Variants in SUGCT observed in about 807,000 individuals in gnomAD.
SUGCT encodes succinyl-CoA:glutarate CoA-transferase.
A neutral mutation model predicts 55.0 loss-of-function variants in SUGCT; 41 were observed. That is an observed-to-expected ratio of 0.74 (90% CI 0.58 to 0.97). The LOEUF is 0.97. Among genes scored for constraint, SUGCT ranks in the 50% least tolerant of loss-of-function variants. The probability of loss-of-function intolerance (pLI) is 0.00; values close to 1 mark genes in which losing one functional copy is unlikely to be tolerated. For synonymous variants in SUGCT, 187 were observed against 200.4 expected (o/e 0.93, Z 0.56); for missense variants, 568 against 547.8 (o/e 1.04, Z -0.37).
intron 12 of SUGCT, among the ~76,000 whole-genome samples, chr7:40,650,097 T>G (rs896743890): frequency 6.6e-6 from 1 of 152,168 alleles, no homozygotes; most frequent in African/African-American, 2.4e-5. Context: ...CATAAGATGT[T>G]GGACTAAGGG....
chr7:40,245,424 T>TATATATATATATATA (rs59609393), intron 7 of SUGCT, among the ~76,000 whole-genome samples: 32 of 11,564 alleles, frequency 2.8e-3, no homozygotes, highest in Admixed American at 5.4e-3. Context: ...TATATATATA[T>TATATATATATATATA]TTTTTTTTTT....
intron 7 of SUGCT, among the ~76,000 whole-genome samples, chr7:40,249,900 C>A (rs1790247373): frequency 6.6e-6 from 1 of 152,134 alleles, no homozygotes; most frequent in African/African-American, 2.4e-5. Context: ...GATTCTCCTG[C>A]CTCAACCTCC....
intron 12 of SUGCT, among the ~76,000 whole-genome samples, chr7:40,568,322 C>G (rs866239616): frequency 7.2e-5 from 11 of 151,900 alleles, no homozygotes; most frequent in Middle Eastern, 3.4e-3. Flanking sequence ...ATCAGTGATA[C>G]ACACACACAC....
chr7:40,826,601 G>A (rs1435421314), intron 13 of SUGCT, among the ~76,000 whole-genome samples: 1 of 152,188 alleles, frequency 6.6e-6, no homozygotes, highest in African/African-American at 2.4e-5. Context: ...CTTGCCGCAG[G>A]CTACAGAAAC....
intron 12 of SUGCT, among the ~76,000 whole-genome samples, chr7:40,690,560 A>G (rs779932520): frequency 7.2e-5 from 11 of 152,090 alleles, no homozygotes; most frequent in Non-Finnish European, 1.3e-4. Context: ...AGAGAGATCA[A>G]TTCATCCCTA....
intron 9 of SUGCT, among the ~76,000 whole-genome samples, chr7:40,327,308 A>G (rs1310211437): frequency 6.6e-6 from 1 of 152,156 alleles, no homozygotes; most frequent in Admixed American, 6.6e-5. Flanking sequence ...GGAGGTTGCC[A>G]CAGTCTGAAG....
At chr7:40,271,088 T>G (rs760574487) in intron 7 of SUGCT, among the ~76,000 whole-genome samples, 1 of 152,194 alleles carries the variant, frequency 6.6e-6, no homozygotes, top group Non-Finnish European at 1.5e-5. Context: ...TAAGAGTTTT[T>G]TAGTGGATTC....
chr7:40,495,111 C>T (rs1345403811), intron 11 of SUGCT, among the ~76,000 whole-genome samples: 1 of 151,882 alleles, frequency 6.6e-6, no homozygotes, highest in Non-Finnish European at 1.5e-5. Flanking sequence ...AGGGTTTCAC[C>T]ATTTTGGTCA....
At chr7:40,309,789 C>CGATGTGTGGTGTGTGAGA (rs61287506) in intron 8 of SUGCT, among the ~76,000 whole-genome samples, 86,680 of 151,224 alleles carry the variant, frequency 0.57, 25,880 homozygotes, top group Non-Finnish European at 0.67. Context: ...GCCCACACAG[C>CGATGTGTGGTGTGTGAGA]GAGAGGGACA....
At chr7:40,692,243 C>G (rs1039245475) in intron 12 of SUGCT, among the ~76,000 whole-genome samples, 1 of 152,104 alleles carries the variant, frequency 6.6e-6, no homozygotes, top group African/African-American at 2.4e-5. Flanking sequence ...GTGGTGCAGA[C>G]AAGGTAACAA....
chr7:40,448,656 G>A (rs1788995106), intron 9 of SUGCT, among the ~76,000 whole-genome samples: 1 of 151,998 alleles, frequency 6.6e-6, no homozygotes, highest in South Asian at 2.1e-4. Flanking sequence ...GACCTGCCTG[G>A]GCAACATAGT....
intron 9 of SUGCT, among the ~76,000 whole-genome samples, chr7:40,414,444 C>T (rs750139576): frequency 1.3e-5 from 2 of 152,108 alleles, no homozygotes; most frequent in African/African-American, 2.4e-5. Context: ...TTCAGGCATT[C>T]GCTGGGGGTC....
At chr7:40,204,829 G>A (rs1022962820) in intron 6 of SUGCT, among the ~76,000 whole-genome samples, 1 of 152,168 alleles carries the variant, frequency 6.6e-6, no homozygotes, top group Non-Finnish European at 1.5e-5. Context: ...AGCTACTCAG[G>A]AGGTGGAGGT....
chr7:40,352,581 G>A (rs977138177), intron 9 of SUGCT, among the ~76,000 whole-genome samples: 9 of 152,102 alleles, frequency 5.9e-5, no homozygotes, highest in Admixed American at 1.3e-4. Flanking sequence ...TTCTCTTTCT[G>A]TGTTAGTTTG....
intron 12 of SUGCT, among the ~76,000 whole-genome samples, chr7:40,737,346 T>A (rs1787215995): frequency 1.3e-5 from 2 of 152,208 alleles, no homozygotes; most frequent in African/African-American, 4.8e-5. Context: ...ATTCCAAGAT[T>A]TAAGAAGTTT....
intron 9 of SUGCT, among the ~76,000 whole-genome samples, chr7:40,320,885 A>G (rs758917866): frequency 3.3e-5 from 5 of 152,108 alleles, no homozygotes; most frequent in Non-Finnish European, 7.4e-5. Context: ...TGCAGTCATC[A>G]CCCAAATAGT....
At chr7:40,424,300 C>G (rs184070955) in intron 9 of SUGCT, among the ~76,000 whole-genome samples, 2 of 152,078 alleles carry the variant, frequency 1.3e-5, no homozygotes, top group Non-Finnish European at 2.9e-5. Flanking sequence ...AGTATGTCAG[C>G]GCCTGGAAGG....
At chr7:40,191,884 C>T (rs1057073485) in intron 5 of SUGCT, among the ~76,000 whole-genome samples, 8 of 152,054 alleles carry the variant, frequency 5.3e-5, no homozygotes, top group South Asian at 2.1e-4. Context: ...CCGAGGTGGG[C>T]GGATCATGAG....
At chr7:41,007,075 A>G in the SUGCT span, among the ~76,000 whole-genome samples, 1 of 146,270 alleles carries the variant, frequency 6.8e-6, no homozygotes, top group South Asian at 2.2e-4. Flanking sequence ...ATTAATATGG[A>G]AAAATCTTAA....
Sources: gnomAD v4.1 joint callset for allele counts (sites outside exome capture counted in the v4.1 genomes callset) on GRCh38, gnomAD v4.1.1 for gene constraint, MANE v1.5 for transcripts, NCBI Gene and HGNC (gene_info 2026-07-23, HGNC 2026-07-21) for gene names.